Variants in IDUA observed in about 807,000 individuals in gnomAD.
IDUA encodes the protein iduronidase alpha-L-.
IDUA carries 65 observed loss-of-function variants against 68.9 expected under a neutral mutation model. That is an observed-to-expected ratio of 0.94 (90% CI 0.77 to 1.16). IDUA has a LOEUF of 1.16. Ranked by LOEUF, IDUA falls within the 50% of genes most tolerant of loss-of-function variation. The probability of loss-of-function intolerance (pLI) is 0.00; values close to 1 mark genes in which losing one functional copy is unlikely to be tolerated. For synonymous variants in IDUA, 529 were observed against 433.6 expected (o/e 1.22, Z -2.73); for missense variants, 1,046 against 938.0 (o/e 1.12, Z -1.50).
chr4:987,666 C>T, intron 1 of IDUA, 143 bp from the exon 2 acceptor site: 2 of 1,483,364 alleles, frequency 1.3e-6, no homozygotes, highest in South Asian at 1.3e-5. Context: ...ATTCCTGGCC[C>T]TAAGGGTCAT....
At position 1,003,542 on chromosome 4, in the gene IDUA, C is replaced by A. The variant is rs934115207; in HGVS notation, c.1651-7C>A. 22 of 1,611,146 alleles carry A rather than the reference C, an allele frequency of 1.4e-5. No homozygotes were observed. Among genetic ancestry groups the A allele is most frequent in the Non-Finnish European group, 1.6e-5 (19 of 1,179,732 alleles). On this transcript the variant is annotated splice_polypyrimidine_tract_variant and splice_region_variant and intron_variant, in intron 11 of 13. Coordinates refer to ENST00000514224, the MANE Select transcript of IDUA (RefSeq NM_000203.5). ...CCCGACGCCATCACAGCCCTTCCCT[C>A]CCCCAGGTCACGCGGCTCCGCGCCC...
At chr4:988,134 A>T (rs1311241863) in intron 2 of IDUA, 185 bp downstream of exon 2, 1 of 1,410,220 alleles carries the variant, frequency 7.1e-7, no homozygotes, top group Admixed American at 2.9e-5. Context: ...GAGCCCCTGC[A>T]TGGGGCACGG....
intron 2 of IDUA, chr4:991,181 A>T (rs1201768033): frequency 6.3e-7 from 1 of 1,585,022 alleles, no homozygotes; most frequent in Non-Finnish European, 8.6e-7. Flanking sequence ...ATGGCGTAGC[A>T]GTCACGCCCG....
At chr4:1,001,913 T>C in intron 6 of IDUA, 32 bp downstream of exon 6, 1 of 1,570,260 alleles carries the variant, frequency 6.4e-7, no homozygotes, top group Non-Finnish European at 8.6e-7. Flanking sequence ...GCCCCGGTGT[T>C]CTGCGCCCTC....
Position 1,004,185 on chromosome 4 carries a change from C to T in IDUA, c.1828+73C>T. 1 of 1,611,140 alleles carries T rather than the reference C, an allele frequency of 6.2e-7. No individual in the cohort carries two copies. Among genetic ancestry groups the T allele is most frequent in the Non-Finnish European group, 8.5e-7 (1 of 1,179,358 alleles). On this transcript the variant is annotated intron_variant, in intron 13 of 13. Transcript: ENST00000514224. The surrounding 1 kb of genome is among the most constrained non-coding windows in gnomAD (Gnocchi z 5.0). ...CCTCAGGGCAGTACTGGGTGGGGGCCTCGAGAAGCCTGGGGTCAGGGGGCT... is the reference window on the plus strand; with the variant it reads ...CCTCAGGGCAGTACTGGGTGGGGGCTTCGAGAAGCCTGGGGTCAGGGGGCT...
chr4:988,677 TC>T, intron 2 of IDUA: 1 of 1,414,984 alleles, frequency 7.1e-7, no homozygotes, highest in Admixed American at 3.1e-5. Flanking sequence ...GGGCCTCCTT[TC>T]CCAGTTGGGG....
Position 1,001,527 on chromosome 4 carries a change from C to G in IDUA, c.553C>G (p.His185Asp), listed in dbSNP as rs147174054. ...CTTCGAGACGTGGAATGAGCCAGAC[C>G]ACCACGACTTTGACAACGTCTCCAT... ...WNFETWNEPD[H>D]HDFDNVSMTM... is the part of the protein sequence containing the mutation. The change falls in exon 5 of 14, where the codon CAC (histidine) becomes GAC (aspartate). Residue 185 changes from histidine (H) to aspartate (D), a missense_variant. Coordinates refer to ENST00000514224, the MANE Select transcript of IDUA (RefSeq NM_000203.5). 3.7e-6 allele frequency: 6 copies of G among 1,613,190 alleles called. No individual in the cohort carries two copies. Among genetic ancestry groups the G allele is most frequent in the African/African-American group, 1.3e-5 (1 of 74,922 alleles).
At chr4:1,003,269 G>A (rs1191383925) in intron 10 of IDUA, 76 bp from the exon 11 acceptor site, 6 of 1,350,394 alleles carry the variant, frequency 4.4e-6, no homozygotes, top group South Asian at 1.8e-5. Context: ...CGGTGGGCCG[G>A]GGGCGTTCGC....
intron 2 of IDUA, chr4:988,249 T>G (rs973157040): frequency 7.0e-5 from 88 of 1,255,676 alleles, no homozygotes; most frequent in Non-Finnish European, 8.5e-5. Context: ...CCAGGCTGGG[T>G]AGGGCCACTG....
rs777295041 is a variant in IDUA at position 1,000,880 on chromosome 4, A to G, written c.386-2A>G. Reference sequence around the variant, plus strand: ...CGGTGGGGCAGCCCTCCTGTGTTCCAGGGTTTGAGCTGATGGGCAGCGCCT... The same window carrying G: ...CGGTGGGGCAGCCCTCCTGTGTTCCGGGGTTTGAGCTGATGGGCAGCGCCT... On this transcript the variant is annotated splice_acceptor_variant, in intron 3 of 13. Transcript: ENST00000514224. LOFTEE classifies it high-confidence loss of function. The G allele has an allele frequency of 1.6e-4, 251 of 1,612,188 alleles. No individual in the cohort carries two copies. Among genetic ancestry groups the G allele is most frequent in the Non-Finnish European group, 2.1e-4 (246 of 1,179,062 alleles).
intron 2 of IDUA, among the ~76,000 whole-genome samples, chr4:994,488 A>G (rs1448353072): frequency 7.0e-6 from 1 of 142,844 alleles, no homozygotes; most frequent in Non-Finnish European, 1.5e-5. Context: ...CCCAGGCTGG[A>G]GTACAGTGGC....
chr4:997,496 C>CG (rs1714809720), intron 2 of IDUA, among the ~76,000 whole-genome samples: 1 of 151,358 alleles, frequency 6.6e-6, no homozygotes, highest in Non-Finnish European at 1.5e-5. Context: ...GGCCCAGGGG[C>CG]GGGGACGTGG....
At chr4:998,865 C>T (rs903348033) in intron 2 of IDUA, among the ~76,000 whole-genome samples, 1 of 148,250 alleles carries the variant, frequency 6.7e-6, no homozygotes, top group African/African-American at 2.5e-5. Context: ...CCAGTCTGGG[C>T]ACCATACCTC....
intron 2 of IDUA, among the ~76,000 whole-genome samples, chr4:994,628 G>A (rs1256667161): frequency 3.3e-5 from 5 of 151,874 alleles, no homozygotes; most frequent in East Asian, 1.9e-4. Context: ...TAGTAGAGAC[G>A]GGGTTTCACC....
At position 1,001,517 on chromosome 4, in the gene IDUA, T is replaced by C. The variant is rs6815946; in HGVS notation, c.543T>C (p.Asn181=). ...HVSKWNFETW[N]EPDHHDFDNV... is the part of the protein sequence containing the mutation. ...CCAAGTGGAACTTCGAGACGTGGAA[T>C]GAGCCAGACCACCACGACTTTGACA... Residue 181 remains asparagine, a synonymous_variant, in exon 5 of 14, where the codon AAT becomes AAC. Transcript: ENST00000514224. 263,639 of 1,613,002 alleles carry C rather than the reference T, an allele frequency of 0.16. 23,253 individuals are homozygous for C. The highest frequency in any genetic ancestry group is 0.3 in the South Asian group (27,135 of 91,080).
intron 2 of IDUA, chr4:1,000,203 G>C (rs1257424500): frequency 2.0e-5 from 6 of 295,744 alleles, no homozygotes; most frequent in Non-Finnish European, 3.9e-5. Flanking sequence ...CACTCATGTT[G>C]CCTCTTGGGG....
At position 1,000,934 on chromosome 4, in the gene IDUA, G is replaced by C. The variant is rs774214351; in HGVS notation, c.438G>C (p.Lys146Asn). 14 of 1,613,568 alleles carry C rather than the reference G, an allele frequency of 8.7e-6. No individual in the cohort carries two copies. The Admixed American group carries it at 2.3e-4, about 27-fold the overall frequency. Residue 146 changes from lysine to asparagine, a missense_variant, in exon 4 of 14, where the codon AAG becomes AAC. Lys to Asn is a moderately conservative substitution (Grantham distance 94). Coordinates refer to ENST00000514224, the MANE Select transcript of IDUA (RefSeq NM_000203.5). ...ASGHFTDFEDKQQVFEWKDLV... is the reference protein window; with the variant it reads ...ASGHFTDFEDNQQVFEWKDLV... ...GCCACTTCACTGACTTTGAGGACAAGCAGCAGGTGTTTGAGTGGAAGGACT... is the reference window on the plus strand; with the variant it reads ...GCCACTTCACTGACTTTGAGGACAACCAGCAGGTGTTTGAGTGGAAGGACT...
chr4:993,488 T>C (rs11936407), intron 2 of IDUA: 101,041 of 152,242 alleles, frequency 0.66, 33,709 homozygotes, highest in South Asian at 0.73. Context: ...TGCTGAGTCA[T>C]GGGTTTCTCC....
rs746908649 is a variant in IDUA, at chr4:1,001,545, G to C, written c.571G>C (p.Val191Leu). 8.1e-6 allele frequency: 13 copies of C among 1,613,120 alleles called. 1 individual carries two copies. In the East Asian group the frequency reaches 2.9e-4, roughly 36 times the overall value. ...NEPDHHDFDN[V>L]SMTMQGFLNY... Reference sequence around the variant, plus strand: ...GCCAGACCACCACGACTTTGACAACGTCTCCATGACCATGCAAGGTGTGCA... The same window carrying C: ...GCCAGACCACCACGACTTTGACAACCTCTCCATGACCATGCAAGGTGTGCA... Residue 191 changes from valine (V) to leucine (L), a missense_variant, in exon 5 of 14, where the codon GTC becomes CTC. Coordinates refer to ENST00000514224, the MANE Select transcript of IDUA (RefSeq NM_000203.5).
Sources: allele counts gnomAD v4.1 joint callset (sites outside exome capture counted in the v4.1 genomes callset), GRCh38; gene constraint gnomAD v4.1.1; non-coding constraint Gnocchi (gnomAD v3.1); transcripts MANE v1.5; gene names NCBI Gene and HGNC (gene_info 2026-07-23, HGNC 2026-07-21).